Variants in PCDHGB6 observed in about 807,000 individuals in gnomAD.
PCDHGB6 encodes the protein protocadherin gamma subfamily B, 6.
Under a neutral mutation model 59.1 loss-of-function variants are expected in PCDHGB6, and 51 were observed. The observed-to-expected ratio is 0.86, with a 90% CI of 0.69 to 1.09. PCDHGB6 has a LOEUF of 1.09. PCDHGB6 is among the 50% of genes least tolerant of loss of function. The pLI, the probability that PCDHGB6 is intolerant of heterozygous loss-of-function variation, is 0.00. For synonymous variants in PCDHGB6, 466 were observed against 495.1 expected (o/e 0.94, Z 0.78); for missense variants, 1,148 against 1,205.1 (o/e 0.95, Z 0.70).
At chr5:141,414,497 A>C (rs757597548) in intron 1 of PCDHGB6, 4 of 1,613,922 alleles carry the variant, frequency 2.5e-6, no homozygotes, top group Non-Finnish European at 3.4e-6. Context: ...ACGGAAGCTC[A>C]CTTTATGCTA....
intron 1 of PCDHGB6, chr5:141,417,646 C>G: frequency 1.3e-6 from 1 of 797,874 alleles, no homozygotes. Context: ...GATCCCTCAG[C>G]CTCTAGCCTG....
intron 2 of PCDHGB6, among the ~76,000 whole-genome samples, chr5:141,505,113 G>A (rs1254889990): frequency 6.6e-6 from 1 of 152,178 alleles, no homozygotes; most frequent in East Asian, 1.9e-4. Context: ...AATGAGCCAA[G>A]ATCGCGCCAC....
chr5:141,420,251 G>A lies in PCDHGB6; in HGVS notation c.2418+9631G>A, dbSNP rs778777293. ...TAGCATTTTAACTCCCAGCGTTGAA[G>A]CAGATAAGAAGATTCTTAAACAGGT... is the stretch of plus-strand genomic sequence containing the variant. On this transcript the variant is annotated intron_variant, in intron 1 of 3. Transcript: ENST00000520790. The A allele has an allele frequency of 2.9e-5, 46 of 1,578,746 alleles. No homozygotes were observed. In the South Asian group the frequency reaches 4.5e-4, roughly 15 times the overall value.
chr5:141,485,661 G>A lies in PCDHGB6; in HGVS notation c.2419-9146G>A. On this transcript the variant is annotated intron_variant, in intron 1 of 3. Transcript: ENST00000520790. This position sits in a 1 kb window ranked among gnomAD's most constrained non-coding sequence, Gnocchi z 5.7. ...GAAAAGGCTCAGGATGCAGATGTGGGGAGCAATTCGATTAGCAGCTATAGG... is the reference window on the plus strand; with the variant it reads ...GAAAAGGCTCAGGATGCAGATGTGGAGAGCAATTCGATTAGCAGCTATAGG... 2 of 1,612,678 alleles carry A rather than the reference G, an allele frequency of 1.2e-6. No individual in the cohort carries two copies. Among genetic ancestry groups the A allele is most frequent in the Non-Finnish European group, 1.7e-6 (2 of 1,178,884 alleles).
At position 141,408,775 on chromosome 5, in the gene PCDHGB6, C is replaced by T. The variant is rs780901987; in HGVS notation, c.573C>T (p.Tyr191=). 4.3e-6 allele frequency: 7 copies of T among 1,611,568 alleles called. No homozygotes were observed. The highest frequency in any genetic ancestry group is 5.9e-6 in the Non-Finnish European group (7 of 1,178,658). ...GAGTTAATTCCGATGGTGGCAAATA[C>T]CCAGAGTTATCTCTGGAGAAACTCC... ...MVRVNSDGGK[Y]PELSLEKLLD... is the part of the protein sequence containing the mutation. Residue 191 remains tyrosine (Y), a synonymous_variant, in exon 1 of 4, where the codon TAC becomes TAT. Coordinates refer to ENST00000520790, the MANE Select transcript of PCDHGB6 (RefSeq NM_018926.3).
rs754052398 is a variant in PCDHGB6, at chr5:141,409,938, C to T, written c.1736C>T (p.Pro579Leu). The T allele has an allele frequency of 7.1e-5, 114 of 1,613,200 alleles. No homozygotes were observed. Among genetic ancestry groups the T allele is most frequent in the Admixed American group, 4.3e-4 (26 of 60,000 alleles). Residue 579 changes from proline to leucine, a missense_variant, in exon 1 of 4, where the codon CCT becomes CTT. Pro to Leu is a moderately conservative substitution (Grantham distance 98). Transcript: ENST00000520790. ...PDGSAFFDMVPRSAEPGYLVT... is the reference protein window; with the variant it reads ...PDGSAFFDMVLRSAEPGYLVT... ...GGCTCCGCGTTCTTCGATATGGTAC[C>T]TCGCTCTGCAGAGCCCGGCTACCTA... is the stretch of plus-strand genomic sequence containing the variant.
At chr5:141,478,408 G>C in intron 1 of PCDHGB6, 1 of 1,613,340 alleles carries the variant, frequency 6.2e-7, no homozygotes, top group Non-Finnish European at 8.5e-7. Flanking sequence ...ATCTCACCAC[G>C]GACTCCCGCC....
chr5:141,487,404 C>T lies in PCDHGB6; in HGVS notation c.2419-7403C>T, dbSNP rs771371344. ...AGATCTCGAAGGAGGGAGGGGCTTC[C>T]CCCTTCCAATGGGATCCTCCGAATC... On this transcript the variant is annotated intron_variant, in intron 1 of 3. Transcript: ENST00000520790. The surrounding 1 kb of genome is among the most constrained non-coding windows in gnomAD (Gnocchi z 5.0). 2 of 1,614,178 alleles carry T rather than the reference C, an allele frequency of 1.2e-6. No homozygotes were observed. Among genetic ancestry groups the T allele is most frequent in the Non-Finnish European group, 8.5e-7 (1 of 1,180,032 alleles).
Position 141,410,489 on chromosome 5 carries a change from G to T in PCDHGB6, c.2287G>T (p.Glu763Ter), listed in dbSNP as rs1233643247. The T allele has an allele frequency of 1.9e-6, 3 of 1,613,854 alleles. No individual in the cohort carries two copies. The highest frequency in any genetic ancestry group is 1.7e-6 in the Non-Finnish European group (2 of 1,179,898). Reference sequence around the variant, plus strand: ...GTGCATTGCACATACGGGTACAAAAGAGTTTAATTTCCTAAAATGCAGTGT... The same window carrying T: ...GTGCATTGCACATACGGGTACAAAATAGTTTAATTTCCTAAAATGCAGTGT... ...NLCIAHTGTKEFNFLKCSVPL... is the reference protein window; with the variant it reads ...NLCIAHTGTK The change falls in exon 1 of 4, where the codon GAG becomes TAG. Residue 763 changes from glutamate (E) to a stop codon, truncating the protein, a stop_gained. Coordinates refer to ENST00000520790, the MANE Select transcript of PCDHGB6 (RefSeq NM_018926.3). LOFTEE classifies it high-confidence loss of function.
intron 1 of PCDHGB6, chr5:141,418,640 A>G (rs1042874136): frequency 1.2e-6 from 2 of 1,614,042 alleles, no homozygotes; most frequent in Non-Finnish European, 1.7e-6. Flanking sequence ...AGGCACCTCC[A>G]TCCTGAGAGT....
At chr5:141,424,547 T>A (rs1484479408) in intron 1 of PCDHGB6, 2 of 152,238 alleles carry the variant, frequency 1.3e-5, no homozygotes, top group African/African-American at 4.8e-5. Flanking sequence ...AACTTGATTT[T>A]GATTCAGTGC....
intron 1 of PCDHGB6, among the ~76,000 whole-genome samples, chr5:141,469,671 A>G (rs1285283342): frequency 1.3e-5 from 2 of 152,236 alleles, no homozygotes; most frequent in Non-Finnish European, 2.9e-5. Flanking sequence ...TTCTAATAAA[A>G]CTACATATGC....
chr5:141,419,361 T>C, intron 1 of PCDHGB6: 1 of 1,613,794 alleles, frequency 6.2e-7, no homozygotes, highest in Non-Finnish European at 8.5e-7. Context: ...TCACGAACGC[T>C]GTCGTCCTAC....
rs2095347816 is a variant in PCDHGB6, at chr5:141,410,011, G to T, written c.1809G>T (p.Trp603Cys). 6.2e-7 allele frequency: 1 copy of T among 1,613,184 alleles called. No individual in the cohort carries two copies. Among genetic ancestry groups the T allele is most frequent in the South Asian group, 1.1e-5 (1 of 91,088 alleles). The part of the protein sequence containing the change: ...AVDADSGHNA[W>C]LSYHVLQASE... ...ACGCCGACTCGGGACACAACGCCTGGCTGTCCTACCACGTGCTGCAGGCCA... is the reference window on the plus strand; with the variant it reads ...ACGCCGACTCGGGACACAACGCCTGTCTGTCCTACCACGTGCTGCAGGCCA... The change falls in exon 1 of 4, where the codon TGG becomes TGT. Residue 603 changes from tryptophan to cysteine, a missense_variant. Around this residue, in one of 5 missense-constraint regions of PCDHGB6, gnomAD observed 549 missense variants for 527.5 expected, o/e 1.04. Coordinates refer to ENST00000520790, the MANE Select transcript of PCDHGB6 (RefSeq NM_018926.3).
Position 141,421,488 on chromosome 5 carries a change from G to A in PCDHGB6, c.2418+10868G>A. On this transcript the variant is annotated intron_variant, in intron 1 of 3. Transcript: ENST00000520790. ...ATCCGCGAAGCGGCAGCTTGATCAC[G>A]GCAGGCAGGATAGACCGGGAGGAGC... The A allele has an allele frequency of 1.9e-6, 3 of 1,614,100 alleles. No homozygotes were observed. In the South Asian group the frequency reaches 3.3e-5, roughly 18 times the overall value.
chr5:141,464,823 C>T (rs890811354), intron 1 of PCDHGB6, among the ~76,000 whole-genome samples: 5 of 151,986 alleles, frequency 3.3e-5, no homozygotes, highest in African/African-American at 1.2e-4. Flanking sequence ...ACTGTAGCCT[C>T]GCACTCCTGG....
chr5:141,487,688 G>T lies in PCDHGB6; in HGVS notation c.2419-7119G>T, dbSNP rs376927186. ...AGGCATATGGCTAGGCCATGTCCTAGAGAGTACTGGCCTCTCAGTAAGTGC... is the reference window on the plus strand; with the variant it reads ...AGGCATATGGCTAGGCCATGTCCTATAGAGTACTGGCCTCTCAGTAAGTGC... On this transcript the variant is annotated intron_variant, in intron 1 of 3. Coordinates refer to ENST00000520790, the MANE Select transcript of PCDHGB6 (RefSeq NM_018926.3). The surrounding 1 kb of genome is among the most constrained non-coding windows in gnomAD (Gnocchi z 5.0). 1.2e-6 allele frequency: 2 copies of T among 1,604,966 alleles called. No individual in the cohort carries two copies.
Position 141,408,729 on chromosome 5 carries a change from C to T in PCDHGB6, c.527C>T (p.Pro176Leu), listed in dbSNP as rs767933076. ...SIKDYKINSN[P>L]YFSLMVRVNS... ...AAAGATTATAAGATAAACTCTAATC[C>T]TTATTTTTCATTAATGGTTAGAGTT... The change falls in exon 1 of 4, where the codon CCT becomes CTT. Residue 176 changes from proline (P) to leucine (L), a missense_variant. This residue lies in a region of PCDHGB6 where 307 missense variants were observed against 323.8 expected (regional missense o/e 0.95). Transcript: ENST00000520790. The T allele has an allele frequency of 5.6e-6, 9 of 1,610,240 alleles. No homozygotes were observed. The highest frequency in any genetic ancestry group is 7.6e-6 in the Non-Finnish European group (9 of 1,177,918).
intron 1 of PCDHGB6, among the ~76,000 whole-genome samples, chr5:141,465,104 T>A (rs1044128193): frequency 1.3e-5 from 2 of 151,862 alleles, no homozygotes; most frequent in East Asian, 3.9e-4. Context: ...GTTTTTTTTT[T>A]AAGTGTTTTA....
Sources: allele counts gnomAD v4.1 joint callset (sites outside exome capture counted in the v4.1 genomes callset), GRCh38; gene constraint gnomAD v4.1.1; regional missense constraint gnomAD v4.1.1; non-coding constraint Gnocchi (gnomAD v3.1); transcripts MANE v1.5; gene names NCBI Gene and HGNC (gene_info 2026-07-23, HGNC 2026-07-21).